The following PRTG variants were observed in gnomAD, a reference collection of about 807,000 sequenced individuals.
The protein encoded by PRTG is protogenin.
In PRTG, 67 loss-of-function variants were observed where a neutral mutation model predicts 122.5. The observed-to-expected ratio is 0.55, with a 90% CI of 0.45 to 0.67. PRTG has a LOEUF of 0.67. PRTG is among the 30% of genes least tolerant of loss of function. PRTG has a pLI of 0.00. For missense variants in PRTG, 1,435 were observed against 1,415.4 expected, an observed-to-expected ratio of 1.01 and a Z score of -0.22; for synonymous variants, 554 against 501.1, an observed-to-expected ratio of 1.11 and a Z score of -1.41.
intron 2 of PRTG, among the ~76,000 whole-genome samples, chr15:55,715,884 C>T (rs538390546): frequency 1.2e-3 from 176 of 152,296 alleles, no homozygotes; most frequent in Admixed American, 2.9e-3. Context: ...GATAAACAAT[C>T]CATTCCCTTC....
chr15:55,660,860 A>C (rs1026851339), intron 11 of PRTG, among the ~76,000 whole-genome samples: 2 of 152,240 alleles, frequency 1.3e-5, no homozygotes, highest in African/African-American at 2.4e-5. Flanking sequence ...GAAAGCTATT[A>C]AGTATTAAAT....
At chr15:55,633,998 T>C (rs1484945339) in intron 15 of PRTG, among the ~76,000 whole-genome samples, 1 of 152,144 alleles carries the variant, frequency 6.6e-6, no homozygotes, top group Non-Finnish European at 1.5e-5. Flanking sequence ...AATACTATTT[T>C]CTGAGCTCTG....
At chr15:55,657,636 C>G (rs566030595) in intron 11 of PRTG, among the ~76,000 whole-genome samples, 72 of 152,268 alleles carry the variant, frequency 4.7e-4, no homozygotes, top group Admixed American at 9.2e-4. Flanking sequence ...CTACAAACTT[C>G]TTCTGATAAT....
chr15:55,676,787 T>A (rs1429840352), intron 8 of PRTG, among the ~76,000 whole-genome samples: 1 of 152,176 alleles, frequency 6.6e-6, no homozygotes, highest in African/African-American at 2.4e-5. Flanking sequence ...AGCATTCCTT[T>A]TACCTTCATA....
In PRTG at chr15:55,612,737, T is replaced by TATATACAC. The variant is rs1489256387; in HGVS notation, c.*7274_*7275insGTGTATAT. 3.7e-5 allele frequency: 2 copies of TATATACAC among 54,314 alleles called. No homozygotes were observed. The highest frequency in any genetic ancestry group is 9.2e-5 in the African/African-American group (2 of 21,652). The allele number at this position is 54,314 out of a possible 1,614,324, so 3.4% of individuals were successfully genotyped here. A position where few individuals can be genotyped will look rare whatever the true frequency, so the allele number is the denominator to read the frequency against. On this transcript the variant is annotated 3_prime_UTR_variant, in exon 20 of 20. Coordinates refer to ENST00000389286, the MANE Select transcript of PRTG (RefSeq NM_173814.6). ...ATATATATATATATATATATATATA[T>TATATACAC]ATATATATATATGACTTAAATTGGA...
At chr15:55,726,887 G>A (rs1301156950) in intron 2 of PRTG, among the ~76,000 whole-genome samples, 3 of 150,846 alleles carry the variant, frequency 2.0e-5, no homozygotes, top group Admixed American at 6.6e-5. Flanking sequence ...AGCAGAGTTT[G>A]CAGTGAGCCG....
intron 2 of PRTG, among the ~76,000 whole-genome samples, chr15:55,727,689 G>A (rs749360524): frequency 1.3e-5 from 2 of 151,984 alleles, no homozygotes; most frequent in Non-Finnish European, 1.5e-5. Context: ...CCAGCTACTC[G>A]TGAGGCTGAG....
intron 7 of PRTG, among the ~76,000 whole-genome samples, chr15:55,678,831 A>C (rs2059519667): frequency 6.6e-6 from 1 of 152,252 alleles, no homozygotes; most frequent in Non-Finnish European, 1.5e-5. Flanking sequence ...TGTTCAACAC[A>C]AATGAGAATG....
intron 2 of PRTG, among the ~76,000 whole-genome samples, chr15:55,739,660 G>A (rs1385746514): frequency 6.6e-6 from 1 of 152,118 alleles, no homozygotes; most frequent in Non-Finnish European, 1.5e-5. Flanking sequence ...ATCTTTACAC[G>A]CAACAGTTAC....
intron 17 of PRTG, among the ~76,000 whole-genome samples, chr15:55,625,882 C>G (rs1443309999): frequency 1.3e-5 from 2 of 152,062 alleles, no homozygotes; most frequent in African/African-American, 2.4e-5. Flanking sequence ...CTCGGCCTCC[C>G]CAAGTGCTGG....
intron 2 of PRTG, among the ~76,000 whole-genome samples, chr15:55,693,022 G>A (rs1427424611): frequency 2.9e-5 from 4 of 140,270 alleles, no homozygotes; most frequent in Non-Finnish European, 6.3e-5. Context: ...TTTTTTTTTT[G>A]TATTTTCAGT....
At position 55,705,627 on chromosome 15, in the gene PRTG, A is replaced by AT. The variant is rs534334087; in HGVS notation, c.398-21697dup. On this transcript the variant is annotated intron_variant, in intron 2 of 19. Coordinates refer to ENST00000389286, the MANE Select transcript of PRTG (RefSeq NM_173814.6). ...CCCACCACACCCAGCTAATTTTTGTATTTTTTTTAGTAGAGTTGGGGTTTC... is the reference window on the plus strand; with the variant it reads ...CCCACCACACCCAGCTAATTTTTGTATTTTTTTTTAGTAGAGTTGGGGTTTC... Among the ~76,000 whole-genome samples the AT allele has an allele frequency of 7.7e-4, 115 of 149,412 alleles. No individual in the cohort carries two copies. The Middle Eastern group carries it at 0.021, about 28-fold the overall frequency.
chr15:55,684,018 T>G, intron 2 of PRTG, 87 bp from the exon 3 acceptor site: 1 of 1,141,438 alleles, frequency 8.8e-7, no homozygotes, highest in South Asian at 1.6e-5. Context: ...CTTATTGGAC[T>G]TGAACCCTTG....
chr15:55,720,827 T>C (rs1302617400), intron 2 of PRTG, among the ~76,000 whole-genome samples: 1 of 152,204 alleles, frequency 6.6e-6, no homozygotes, highest in Non-Finnish European at 1.5e-5. Context: ...TCATAATGTT[T>C]TAAGAACATT....
intron 18 of PRTG, among the ~76,000 whole-genome samples, chr15:55,622,294 T>G (rs916642471): frequency 6.7e-6 from 1 of 149,698 alleles, no homozygotes; most frequent in African/African-American, 2.4e-5. Flanking sequence ...CTCGGCTCAT[T>G]GCAACCTCTG....
At chr15:55,714,485 C>T (rs1465762128) in intron 2 of PRTG, among the ~76,000 whole-genome samples, 2 of 151,882 alleles carry the variant, frequency 1.3e-5, no homozygotes, top group Non-Finnish European at 2.9e-5. Context: ...TCTGCCTCAG[C>T]CTCCCTAAGT....
intron 11 of PRTG, among the ~76,000 whole-genome samples, chr15:55,642,698 G>A (rs1467593708): frequency 6.6e-6 from 1 of 151,570 alleles, no homozygotes; most frequent in African/African-American, 2.4e-5. Flanking sequence ...CACTTCATAA[G>A]GGAAAACAGT....
chr15:55,705,471 T>C (rs2030064991), intron 2 of PRTG, among the ~76,000 whole-genome samples: 1 of 152,222 alleles, frequency 6.6e-6, no homozygotes, highest in Non-Finnish European at 1.5e-5. Context: ...CTACTTATTC[T>C]TTTTGTGAGA....
intron 2 of PRTG, among the ~76,000 whole-genome samples, chr15:55,719,489 T>A (rs922246664): frequency 6.6e-6 from 1 of 152,212 alleles, no homozygotes; most frequent in African/African-American, 2.4e-5. Context: ...CAATGAATGT[T>A]AAAGAACATG....
Sources: allele counts gnomAD v4.1 joint callset (sites outside exome capture counted in the v4.1 genomes callset), GRCh38; gene constraint gnomAD v4.1.1; transcripts MANE v1.5; gene names NCBI Gene and HGNC (gene_info 2026-07-23, HGNC 2026-07-21).